The following NALF1 variants were observed in gnomAD, a reference collection of about 807,000 sequenced individuals.
NALF1 encodes the protein family with sequence similarity 155 member A.
NALF1 carries 3 observed loss-of-function variants against 48.4 expected under a neutral mutation model. That is an observed-to-expected ratio of 0.06 (90% CI 0.03 to 0.16). The LOEUF (loss-of-function observed/expected upper bound fraction) is 0.16, where lower values mean the gene tolerates loss of function less well. Among genes scored for constraint, NALF1 ranks in the 10% least tolerant of loss-of-function variants. The pLI is 1.00. For synonymous variants in NALF1, 262 were observed against 245.7 expected, an observed-to-expected ratio of 1.07 and a Z score of -0.62; for missense variants, 526 against 571.5, an observed-to-expected ratio of 0.92 and a Z score of 0.81.
At chr13:107,695,553 T>C (rs1164744824) in intron 1 of NALF1, among the ~76,000 whole-genome samples, 1 of 152,192 alleles carries the variant, frequency 6.6e-6, no homozygotes, top group Non-Finnish European at 1.5e-5. Context: ...CCTAATTTAA[T>C]TTTTGTGCTT....
At chr13:107,501,353 G>T (rs1433009881) in intron 1 of NALF1, among the ~76,000 whole-genome samples, 1 of 152,086 alleles carries the variant, frequency 6.6e-6, no homozygotes, top group Non-Finnish European at 1.5e-5. Context: ...TCAGAATATA[G>T]CAATGCCTAA....
intron 1 of NALF1, among the ~76,000 whole-genome samples, chr13:107,664,856 G>C (rs1880817302): frequency 6.6e-6 from 1 of 151,912 alleles, no homozygotes. Flanking sequence ...CCTTGAATTT[G>C]GTGTGTCTCT....
chr13:107,196,885 A>G (rs1258283826), intron 2 of NALF1, among the ~76,000 whole-genome samples: 1 of 152,122 alleles, frequency 6.6e-6, no homozygotes, highest in Non-Finnish European at 1.5e-5. Context: ...AGACATGATA[A>G]ATTTGTTCCA....
chr13:107,750,091 A>G (rs1477098810), intron 1 of NALF1, among the ~76,000 whole-genome samples: 2 of 152,004 alleles, frequency 1.3e-5, no homozygotes, highest in African/African-American at 4.8e-5. Context: ...GTGTTTTTAA[A>G]TTTTCATTGA....
At chr13:107,659,733 T>C (rs1880678286) in intron 1 of NALF1, among the ~76,000 whole-genome samples, 1 of 152,082 alleles carries the variant, frequency 6.6e-6, no homozygotes, top group African/African-American at 2.4e-5. Flanking sequence ...TTCTAAGTAA[T>C]ATATTCTTCT....
chr13:107,290,019 G>A (rs1881582775), intron 1 of NALF1, among the ~76,000 whole-genome samples: 1 of 151,988 alleles, frequency 6.6e-6, no homozygotes, highest in Non-Finnish European at 1.5e-5. Context: ...TCCACTTCGG[G>A]TTCTGATAGG....
chr13:107,176,316 G>GAGTTTT (rs777760773), intron 2 of NALF1, among the ~76,000 whole-genome samples: 16 of 123,566 alleles, frequency 1.3e-4, no homozygotes, highest in African/African-American at 4.7e-4. Flanking sequence ...CAACCTCACA[G>GAGTTTT]TTTTTTTTTT....
intron 2 of NALF1, among the ~76,000 whole-genome samples, chr13:107,174,506 C>CCAA (rs2138766731): frequency 1.3e-5 from 2 of 151,990 alleles, no homozygotes; most frequent in African/African-American, 4.8e-5. Flanking sequence ...CAGGCTCCCG[C>CCAA]CAACACACCT....
chr13:107,236,830 T>G (rs920617397), intron 1 of NALF1, among the ~76,000 whole-genome samples: 1 of 152,176 alleles, frequency 6.6e-6, no homozygotes, highest in Non-Finnish European at 1.5e-5. Flanking sequence ...GATGTTTTTG[T>G]CTGTACTGAA....
At chr13:107,284,109 C>T (rs1014431486) in intron 1 of NALF1, among the ~76,000 whole-genome samples, 1 of 152,038 alleles carries the variant, frequency 6.6e-6, no homozygotes, top group Non-Finnish European at 1.5e-5. Flanking sequence ...CGATCACAGC[C>T]TAATGTCTGG....
At chr13:107,865,389 GT>G (rs1217566288) in intron 1 of NALF1, among the ~76,000 whole-genome samples, 1 of 152,082 alleles carries the variant, frequency 6.6e-6, no homozygotes, top group Admixed American at 6.5e-5. Flanking sequence ...ATGTAACAGA[GT>G]TTGAGCCAAC....
intron 1 of NALF1, among the ~76,000 whole-genome samples, chr13:107,598,327 C>A (rs1878815387): frequency 6.6e-6 from 1 of 152,142 alleles, no homozygotes; most frequent in Non-Finnish European, 1.5e-5. Context: ...TTTCTTAATA[C>A]ACGAGTAGCT....
chr13:107,495,648 G>C (rs532100801), intron 1 of NALF1, among the ~76,000 whole-genome samples: 20 of 152,116 alleles, frequency 1.3e-4, no homozygotes, highest in Admixed American at 9.8e-4. Context: ...TGTGGTTACT[G>C]TTCAGTTTCC....
At chr13:107,485,669 C>T (rs549410482) in intron 1 of NALF1, among the ~76,000 whole-genome samples, 34 of 152,294 alleles carry the variant, frequency 2.2e-4, no homozygotes, top group African/African-American at 7.5e-4. Context: ...TTTTCAATAA[C>T]TATTCATTGA....
At chr13:107,762,689 T>C (rs954066398) in intron 1 of NALF1, among the ~76,000 whole-genome samples, 1 of 151,866 alleles carries the variant, frequency 6.6e-6, no homozygotes, top group East Asian at 1.9e-4. Flanking sequence ...ACATACAGAG[T>C]CGTTGTTCAG....
At chr13:107,822,301 G>A (rs1466644735) in intron 1 of NALF1, among the ~76,000 whole-genome samples, 1 of 145,132 alleles carries the variant, frequency 6.9e-6, no homozygotes, top group East Asian at 2.3e-4. Context: ...GTTGCCTGAT[G>A]TCATGCAAAA....
chr13:107,403,187 GC>G (rs1162064884), intron 1 of NALF1, among the ~76,000 whole-genome samples: 10 of 77,582 alleles, frequency 1.3e-4, no homozygotes, highest in African/African-American at 3.2e-4. Context: ...TCTTGTTCGG[GC>G]TTTTTTTTTT....
At chr13:107,859,740 T>C (rs1302351608) in intron 1 of NALF1, among the ~76,000 whole-genome samples, 2 of 151,700 alleles carry the variant, frequency 1.3e-5, no homozygotes, top group African/African-American at 4.8e-5. Context: ...CCATCTCTAC[T>C]AAAAATACAA....
chr13:107,463,488 C>A (rs1418868190), intron 1 of NALF1, among the ~76,000 whole-genome samples: 4 of 152,202 alleles, frequency 2.6e-5, no homozygotes, highest in African/African-American at 9.6e-5. Flanking sequence ...TTGAAATTTA[C>A]TATGTAGGAG....
Sources: allele counts gnomAD v4.1 joint callset (sites outside exome capture counted in the v4.1 genomes callset), GRCh38; gene constraint gnomAD v4.1.1; transcripts MANE v1.5; gene names NCBI Gene and HGNC (gene_info 2026-07-23, HGNC 2026-07-21).